The following AKAP10 variants were observed in gnomAD, a reference collection of about 807,000 sequenced individuals.
AKAP10 encodes A-kinase anchor protein 10, mitochondrial.
AKAP10 carries 24 observed loss-of-function variants against 80.8 expected under a neutral mutation model. That is an observed-to-expected ratio of 0.30 (90% CI 0.22 to 0.42). The LOEUF (loss-of-function observed/expected upper bound fraction) is 0.42. Ranked by LOEUF, AKAP10 falls within the 10% of genes least tolerant of loss-of-function variation. AKAP10 has a pLI of 1.00. For missense variants in AKAP10, 661 were observed against 794.9 expected (o/e 0.83, Z 2.03); for synonymous variants, 291 against 277.7 (o/e 1.05, Z -0.48).
chr17:19,910,433 T>C (rs548206651), intron 12 of AKAP10, among the ~76,000 whole-genome samples: 1 of 151,628 alleles, frequency 6.6e-6, no homozygotes, highest in Non-Finnish European at 1.5e-5. Flanking sequence ...CCCAAAACAC[T>C]AAGGAATGTT....
intron 4 of AKAP10, among the ~76,000 whole-genome samples, chr17:19,950,804 C>T (rs203474): frequency 0.21 from 31,601 of 151,374 alleles, 3,480 homozygotes; most frequent in Middle Eastern, 0.28. Flanking sequence ...TCTGACCGGC[C>T]GCCCCGTCTG....
rs779430119 is a variant in AKAP10, at chr17:19,963,033, T to C, written c.137-11A>G. 5.0e-6 allele frequency: 8 copies of C among 1,586,470 alleles called. No individual in the cohort carries two copies. The highest frequency in any genetic ancestry group is 6.9e-6 in the Non-Finnish European group (8 of 1,161,422). ...GTACGGATATTGAAGCTATAATTTT[T>C]CAAAAAATTGTTAAGAATTAAACAC... On this transcript the variant is annotated splice_polypyrimidine_tract_variant and intron_variant, in intron 2 of 14. Coordinates refer to ENST00000225737, the MANE Select transcript of AKAP10 (RefSeq NM_007202.4).
chr17:19,915,668 G>A (rs748299043), intron 12 of AKAP10, among the ~76,000 whole-genome samples: 2 of 152,156 alleles, frequency 1.3e-5, no homozygotes, highest in Non-Finnish European at 2.9e-5. Flanking sequence ...TAACTTCATA[G>A]ATGGGCTTGC....
chr17:19,924,291 G>A (rs1054077414), intron 11 of AKAP10, 117 bp downstream of exon 11: 1 of 682,194 alleles, frequency 1.5e-6, no homozygotes, highest in Admixed American at 3.4e-5. Context: ...CACACTCTAA[G>A]TGAAAGTTCT....
chr17:19,907,488 T>C (rs1386549092), intron 14 of AKAP10, among the ~76,000 whole-genome samples: 2 of 150,600 alleles, frequency 1.3e-5, no homozygotes, highest in Non-Finnish European at 3.0e-5. Flanking sequence ...CTCGGCTTAC[T>C]GCAACCTCAA....
rs199551208 is a variant in AKAP10, at chr17:19,924,455, A to C, written c.1704T>G (p.Asp568Glu). 6.2e-7 allele frequency: 1 copy of C among 1,607,822 alleles called. No homozygotes were observed. Among genetic ancestry groups the C allele is most frequent in the East Asian group, 2.2e-5 (1 of 44,618 alleles). ...LKNFDEAIIV[D>E]AASLDPESLY... Reference sequence around the variant, plus strand: ...AAGATTCTGGATCCAGACTTGCCGCATCCACAATTATCGCTTCATCAAAAT... The same window carrying C: ...AAGATTCTGGATCCAGACTTGCCGCCTCCACAATTATCGCTTCATCAAAAT... Residue 568 changes from aspartate to glutamate, a missense_variant, in exon 11 of 15, where the codon GAT (aspartate) becomes GAG (glutamate). By Grantham distance (45) the Asp-to-Glu change is conservative. Transcript: ENST00000225737.
At chr17:19,971,527 A>C (rs1259929625) in intron 1 of AKAP10, among the ~76,000 whole-genome samples, 1 of 151,800 alleles carries the variant, frequency 6.6e-6, no homozygotes, top group Non-Finnish European at 1.5e-5. Context: ...AAAAAAAATT[A>C]ATTACACAAA....
chr17:19,970,698 C>A (rs1597534412), intron 1 of AKAP10, among the ~76,000 whole-genome samples: 1 of 152,080 alleles, frequency 6.6e-6, no homozygotes, highest in Admixed American at 6.6e-5. Flanking sequence ...TGGCGGGTAC[C>A]TGTAGTCCCA....
Position 19,977,647 on chromosome 17 carries a change from G to GGACTGGCGCGGGGA in AKAP10, c.19_32dup (p.Thr14AlafsTer22). The stretch of plus-strand genomic sequence containing the variant: ...CCGGGTCGGGACGGAGGGTGCGGGG[G>GGACTGGCGCGGGGA]GACTGGCGCGGGGAGGGCCCGGCTC... On this transcript the variant is annotated frameshift_variant, in exon 1 of 15. Transcript: ENST00000225737. LOFTEE classifies it high-confidence loss of function. 1 of 1,235,478 alleles carries GGACTGGCGCGGGGA rather than the reference G, an allele frequency of 8.1e-7. No individual in the cohort carries two copies. The highest frequency in any genetic ancestry group is 3.2e-5 in the East Asian group (1 of 31,740). The allele number at this position is 1,235,478 out of a possible 1,614,324, so 76.5% of individuals were successfully genotyped here. A position where few individuals can be genotyped will look rare whatever the true frequency, so the allele number is the denominator to read the frequency against.
Position 19,907,023 on chromosome 17 carries a change from T to G in AKAP10, c.1984-791A>C, listed in dbSNP as rs998044859. 2.7e-3 allele frequency among the ~76,000 whole-genome samples: 400 copies of G among 149,760 alleles called. 1 individual carries two copies. Among genetic ancestry groups the G allele is most frequent in the African/African-American group, 9.4e-3 (378 of 40,096 alleles). On this transcript the variant is annotated intron_variant, in intron 14 of 14. Coordinates refer to ENST00000225737, the MANE Select transcript of AKAP10 (RefSeq NM_007202.4). ...GTTCTTCGAGTCTACTGTTTTTTTT[T>G]GTTTTTTTTTTGAGACGGAGTTTCA...
rs147976360 is a variant in AKAP10 at position 19,917,952 on chromosome 17, G to A, written c.1834+2084C>T. On this transcript the variant is annotated intron_variant, in intron 12 of 14. Coordinates refer to ENST00000225737, the MANE Select transcript of AKAP10 (RefSeq NM_007202.4). Reference sequence around the variant, plus strand: ...AGAAAATAAGATGGCTGGGCACAGTGGCTCACACTTGTAATCTCAGCACTT... The same window carrying A: ...AGAAAATAAGATGGCTGGGCACAGTAGCTCACACTTGTAATCTCAGCACTT... Among the ~76,000 whole-genome samples, 816 of 151,868 alleles carry A rather than the reference G, an allele frequency of 5.4e-3. 12 individuals carry two copies. In the East Asian group the frequency reaches 0.066, roughly 12 times the overall value.
chr17:19,952,333 G>C (rs555593850), intron 4 of AKAP10, among the ~76,000 whole-genome samples: 1 of 151,702 alleles, frequency 6.6e-6, no homozygotes, highest in Non-Finnish European at 1.5e-5. Flanking sequence ...GGCATGGTGC[G>C]CGTGCCTGTA....
At position 19,957,883 on chromosome 17, in the gene AKAP10, C is replaced by A. The variant is rs1015257410; in HGVS notation, c.877+131G>T. 3.2e-5 allele frequency: 32 copies of A among 985,188 alleles called. No individual in the cohort carries two copies. In the East Asian group the frequency reaches 3.9e-4, roughly 12 times the overall value. 61.0% of individuals were successfully genotyped at this position (985,188 alleles called of 1,614,324 possible). ...GACTCTACTACACTCTCCAAATTCT[C>A]CCAAATTTACAAGTAGTTAGAGGAG... On this transcript the variant is annotated intron_variant, in intron 4 of 14. Coordinates refer to ENST00000225737, the MANE Select transcript of AKAP10 (RefSeq NM_007202.4).
At chr17:19,963,063 T>C (rs1212341737) in intron 2 of AKAP10, 41 bp from the exon 3 acceptor site, 3 of 1,534,654 alleles carry the variant, frequency 2.0e-6, no homozygotes, top group Non-Finnish European at 2.7e-6. Flanking sequence ...AAACACAATT[T>C]GATAGCCTAA....
chr17:19,958,364 G>A lies in AKAP10; in HGVS notation c.527C>T (p.Thr176Ile), dbSNP rs1219743380. Residue 176 changes from threonine to isoleucine, a missense_variant, in exon 4 of 15, where the codon ACA becomes ATA. Coordinates refer to ENST00000225737, the MANE Select transcript of AKAP10 (RefSeq NM_007202.4). ...CTCAGCCAGTGAGCTCTGCTTCACTGTGTTTAGACTGTGTGCTCTTATTCG... is the reference window on the plus strand; with the variant it reads ...CTCAGCCAGTGAGCTCTGCTTCACTATGTTTAGACTGTGTGCTCTTATTCG... ...WSRIRAHSLN[T>I]VKQSSLAEPV... The A allele has an allele frequency of 1.2e-6, 2 of 1,614,230 alleles. No homozygotes were observed. The highest frequency in any genetic ancestry group is 1.3e-5 in the African/African-American group (1 of 75,052).
At chr17:19,948,588 AG>A (rs1006470955) in intron 4 of AKAP10, among the ~76,000 whole-genome samples, 1 of 152,152 alleles carries the variant, frequency 6.6e-6, no homozygotes, top group African/African-American at 2.4e-5. Flanking sequence ...ACATAGCTAC[AG>A]GAAGTGTGCT....
intron 1 of AKAP10, among the ~76,000 whole-genome samples, chr17:19,973,217 T>C (rs2043522123): frequency 6.6e-6 from 1 of 152,200 alleles, no homozygotes; most frequent in Admixed American, 6.5e-5. Flanking sequence ...TGACCCCAAG[T>C]GATCCATCTG....
chr17:19,922,343 C>T (rs1000999243), intron 11 of AKAP10, among the ~76,000 whole-genome samples: 1 of 152,152 alleles, frequency 6.6e-6, no homozygotes, highest in African/African-American at 2.4e-5. Flanking sequence ...CCAACTGATA[C>T]AAATTTACTT....
chr17:19,917,109 CA>C (rs1567752206), intron 12 of AKAP10, among the ~76,000 whole-genome samples: 1 of 151,096 alleles, frequency 6.6e-6, no homozygotes, highest in African/African-American at 2.4e-5. Flanking sequence ...CTAAAAATAA[CA>C]AAAAATTAGC....
Sources: allele counts gnomAD v4.1 joint callset (sites outside exome capture counted in the v4.1 genomes callset), GRCh38; gene constraint gnomAD v4.1.1; transcripts MANE v1.5; gene names NCBI Gene and HGNC (gene_info 2026-07-23, HGNC 2026-07-21).